The following ZNF18 variants were observed in gnomAD, a reference collection of about 807,000 sequenced individuals.
ZNF18 encodes heart development-specific gene 1 protein.
ZNF18 carries 42 observed loss-of-function variants against 58.1 expected under a neutral mutation model. The observed-to-expected ratio is 0.72, with a 90% CI of 0.56 to 0.93. The LOEUF is 0.93. ZNF18 is among the 40% of genes least tolerant of loss of function. The pLI is 0.00. For synonymous variants in ZNF18, 231 were observed against 239.8 expected (o/e 0.96, Z 0.34); for missense variants, 540 against 644.2 (o/e 0.84, Z 1.75).
intron 5 of ZNF18, among the ~76,000 whole-genome samples, chr17:11,983,880 T>C (rs1379024154): frequency 6.6e-6 from 1 of 152,158 alleles, no homozygotes; most frequent in Non-Finnish European, 1.5e-5. Flanking sequence ...AAGAAGTTAC[T>C]CCGTGCAATG....
At chr17:12,019,329 TGTGTGTGTTTAAA>T in the ZNF18 span, among the ~76,000 whole-genome samples, 12 of 150,724 alleles carry the variant, frequency 8.0e-5, no homozygotes, top group Non-Finnish European at 8.8e-5. Context: ...TGTGTGTGTG[TGTGTGTGTTTAAA>T]TTAATTTTCT....
At chr17:12,020,653 G>A in the ZNF18 span, among the ~76,000 whole-genome samples, 1 of 152,010 alleles carries the variant, frequency 6.6e-6, no homozygotes, top group East Asian at 2.0e-4. Flanking sequence ...CGCAGCCCTG[G>A]TCCAAGACAG....
chr17:12,013,593 G>C, the ZNF18 span, among the ~76,000 whole-genome samples: 2 of 152,120 alleles, frequency 1.3e-5, no homozygotes, highest in Admixed American at 1.3e-4. Context: ...AAGTATTTGA[G>C]TCTATTTCTA....
In ZNF18 at chr17:11,977,867, T is replaced by C. The variant is rs1234022493; in HGVS notation, c.*90A>G. On this transcript the variant is annotated 3_prime_UTR_variant, in exon 7 of 7. Coordinates refer to ENST00000580306, the MANE Select transcript of ZNF18 (RefSeq NM_001303281.2). ...AGAAAAAAGGAGATTAACAGGGGTA[T>C]CCTCTTAGACACAATTCCTCTTGAT... 6.3e-6 allele frequency: 9 copies of C among 1,422,030 alleles called. No individual in the cohort carries two copies. Among genetic ancestry groups the C allele is most frequent in the Middle Eastern group, 3.8e-4 (2 of 5,290 alleles). The allele number at this position is 1,422,030 out of a possible 1,614,324, so 88.1% of individuals were successfully genotyped here.
the ZNF18 span, among the ~76,000 whole-genome samples, chr17:12,017,825 C>T: frequency 2.0e-5 from 3 of 151,034 alleles, no homozygotes; most frequent in African/African-American, 7.3e-5. Flanking sequence ...TGCAGTGAGC[C>T]GAGATCGCGC....
intron 4 of ZNF18, among the ~76,000 whole-genome samples, chr17:11,987,339 T>C (rs1466878206): frequency 6.6e-6 from 1 of 152,214 alleles, no homozygotes; most frequent in East Asian, 1.9e-4. Context: ...ACCGTATCAT[T>C]ATTCTGGCAT....
intron 6 of ZNF18, among the ~76,000 whole-genome samples, chr17:11,979,760 C>G (rs944643431): frequency 6.6e-6 from 1 of 151,916 alleles, no homozygotes; most frequent in Non-Finnish European, 1.5e-5. Flanking sequence ...GTCAAAAAGC[C>G]TTAGAATGTC....
chr17:11,978,048 TAA>T lies in ZNF18; in HGVS notation c.1557_1558del (p.Tyr520Ter), dbSNP rs1967099379. 4 of 1,613,432 alleles carry T rather than the reference TAA, an allele frequency of 2.5e-6. No individual in the cohort carries two copies. In the Admixed American group the frequency reaches 6.7e-5, roughly 27 times the overall value. ...ACTTTTCCCACAGTGCGAACATTTA[TAA>T]GGTTTCTCTCCAGTGTGAACCCTCT... On this transcript the variant is annotated frameshift_variant, in exon 7 of 7. Transcript: ENST00000580306. LOFTEE classifies it high-confidence loss of function.
At chr17:11,989,371 G>A (rs12150157) in intron 4 of ZNF18, among the ~76,000 whole-genome samples, 36,298 of 151,988 alleles carry the variant, frequency 0.24, 5,149 homozygotes, top group Middle Eastern at 0.35. Context: ...AAAGAAGTGG[G>A]AAAATACATC....
At chr17:11,983,131 T>C (rs1273225212) in intron 6 of ZNF18, among the ~76,000 whole-genome samples, 166 bp downstream of exon 6, 2 of 152,166 alleles carry the variant, frequency 1.3e-5, no homozygotes, top group South Asian at 2.1e-4. Flanking sequence ...CAGAGATAAG[T>C]AGACTCAATC....
chr17:12,005,149 ATATATATACAGAT>A, the ZNF18 span, among the ~76,000 whole-genome samples: 749 of 150,468 alleles, frequency 5.0e-3, 4 homozygotes, highest in African/African-American at 0.017. Flanking sequence ...CTCAGAAGTT[ATATATATACAGAT>A]TATATATACA....
chr17:12,012,687 T>G, the ZNF18 span, among the ~76,000 whole-genome samples: 1 of 150,930 alleles, frequency 6.6e-6, no homozygotes, highest in Non-Finnish European at 1.5e-5. Flanking sequence ...AATTTACATC[T>G]TTTTTTTTAG....
chr17:11,994,485 T>G (rs1391292298), intron 1 of ZNF18, among the ~76,000 whole-genome samples: 1 of 152,194 alleles, frequency 6.6e-6, no homozygotes, highest in Non-Finnish European at 1.5e-5. Flanking sequence ...TTGATTAACA[T>G]ACATTTTGCA....
chr17:11,990,643 T>C (rs1968058401), intron 3 of ZNF18, 93 bp from the exon 4 acceptor site: 3 of 973,032 alleles, frequency 3.1e-6, no homozygotes, highest in Non-Finnish European at 4.6e-6. Flanking sequence ...ATCAGAACAA[T>C]ACCTGAACAA....
the ZNF18 span, among the ~76,000 whole-genome samples, chr17:12,005,200 T>G: frequency 6.6e-6 from 1 of 150,844 alleles, no homozygotes; most frequent in African/African-American, 2.4e-5. Flanking sequence ...GATACTAATA[T>G]ATGCATATAT....
Position 11,977,857 on chromosome 17 carries a change from A to G in ZNF18, c.*100T>C. On this transcript the variant is annotated 3_prime_UTR_variant, in exon 7 of 7. Coordinates refer to ENST00000580306, the MANE Select transcript of ZNF18 (RefSeq NM_001303281.2). ...CTCCAATCCAAGAAAAAAGGAGATT[A>G]ACAGGGGTATCCTCTTAGACACAAT... 1 of 1,377,150 alleles carries G rather than the reference A, an allele frequency of 7.3e-7. No homozygotes were observed. 85.3% of individuals were successfully genotyped at this position (1,377,150 alleles called of 1,614,324 possible).
At chr17:12,004,615 C>T in the ZNF18 span, among the ~76,000 whole-genome samples, 10 of 152,150 alleles carry the variant, frequency 6.6e-5, no homozygotes, top group Non-Finnish European at 1.2e-4. Flanking sequence ...TGGCCGGGCA[C>T]GGTGGCTGAA....
chr17:12,020,812 C>T, the ZNF18 span: 2 of 635,906 alleles, frequency 3.1e-6, no homozygotes, highest in Non-Finnish European at 2.2e-6. Context: ...GTAAGCCTCG[C>T]CCCTCGGCCG....
intron 4 of ZNF18, among the ~76,000 whole-genome samples, chr17:11,989,772 G>T (rs149445642): frequency 2.0e-5 from 3 of 151,472 alleles, no homozygotes; most frequent in Non-Finnish European, 2.9e-5. Context: ...TGAACTTGAA[G>T]ACAAACAGAA....
Sources: gnomAD v4.1 joint callset for allele counts (sites outside exome capture counted in the v4.1 genomes callset) on GRCh38, gnomAD v4.1.1 for gene constraint, MANE v1.5 for transcripts, NCBI Gene and HGNC (gene_info 2026-07-23, HGNC 2026-07-21) for gene names.